SYNE2: variants seen among roughly 807,000 people sequenced by gnomAD.
SYNE2 encodes spectrin repeat containing nuclear envelope protein 2, also known as nesprin-2.
A neutral mutation model predicts 856.3 loss-of-function variants in SYNE2; 431 were observed. The ratio of observed to expected loss-of-function variants is 0.50; its 90% CI spans 0.47 to 0.55. SYNE2 has a LOEUF of 0.55. Ranked by LOEUF, SYNE2 falls within the 20% of genes least tolerant of loss-of-function variation. The pLI, the probability that SYNE2 is intolerant of heterozygous loss-of-function variation, is 0.00. For missense variants in SYNE2, 8,129 were observed against 8,023.2 expected (o/e 1.01, Z -0.50); for synonymous variants, 2,923 against 2,872.3 (o/e 1.02, Z -0.56).
rs531575036 is a variant in SYNE2, at chr14:64,142,066, A to T, written c.15284A>T (p.Lys5095Ile). Residue 5095 changes from lysine to isoleucine, a missense_variant, in exon 82 of 116, where the codon AAA becomes ATA. Transcript: ENST00000555002. Reference protein sequence around the residue: ...VHSPSSASQVKHLLQKHKEFR... With the variant: ...VHSPSSASQVIHLLQKHKEFR... ...TCACCAAGTTCTGCATCTCAAGTTA[A>T]ACATCTTCTTCAGAAGCACAAGGTA... 1 of 1,614,156 alleles carries T rather than the reference A, an allele frequency of 6.2e-7. No individual in the cohort carries two copies. The highest frequency in any genetic ancestry group is 1.1e-5 in the South Asian group (1 of 91,076).
intron 1 of SYNE2, among the ~76,000 whole-genome samples, chr14:63,858,262 CTTTTTTTTTTTTTTTTTTTTT>C (rs61091259): frequency 3.8e-5 from 2 of 52,896 alleles, no homozygotes; most frequent in South Asian, 2.3e-3. Flanking sequence ...CCACACCGGC[CTTTTTTTTTTTTTTTTTTTTT>C]TTTTTTTTTT....
At chr14:64,173,431 G>A (rs1881660980) in intron 94 of SYNE2, among the ~76,000 whole-genome samples, 2 of 152,162 alleles carry the variant, frequency 1.3e-5, no homozygotes, top group South Asian at 4.1e-4. Context: ...CTGCTCCTGA[G>A]GGTGCATTTG....
chr14:63,968,480 G>A (rs1041675709), intron 11 of SYNE2, among the ~76,000 whole-genome samples: 1 of 152,116 alleles, frequency 6.6e-6, no homozygotes. Context: ...AATATCAGTA[G>A]ATGCTTGAAA....
At position 63,917,885 on chromosome 14, in the gene SYNE2, C is replaced by G. The variant is rs539338377; in HGVS notation, c.79+8658C>G. Reference sequence around the variant, plus strand: ...TTTTTTTTTTTTTAGCTTTTATATACAGTTTTGGCTTCTGGGAACTTTGGT... The same window carrying G: ...TTTTTTTTTTTTTAGCTTTTATATAGAGTTTTGGCTTCTGGGAACTTTGGT... On this transcript the variant is annotated intron_variant, in intron 2 of 115. Coordinates refer to ENST00000555002, the MANE Select transcript of SYNE2 (RefSeq NM_182914.3). 6.6e-5 allele frequency among the ~76,000 whole-genome samples: 10 copies of G among 150,656 alleles called. No homozygotes were observed. In the East Asian group the frequency reaches 1.9e-3, roughly 29 times the overall value.
chr14:64,207,049 A>G (rs953806317), intron 100 of SYNE2, among the ~76,000 whole-genome samples: 1 of 152,144 alleles, frequency 6.6e-6, no homozygotes, highest in African/African-American at 2.4e-5. Context: ...CAGGCATTCT[A>G]CCCACACTGC....
chr14:63,915,581 C>T (rs1476338153), intron 2 of SYNE2, among the ~76,000 whole-genome samples: 1 of 152,188 alleles, frequency 6.6e-6, no homozygotes, highest in African/African-American at 2.4e-5. Flanking sequence ...AACTTGCAAG[C>T]AGTCCTACCA....
At chr14:64,009,796 A>G (rs1360266481) in intron 31 of SYNE2, among the ~76,000 whole-genome samples, 170 bp from the exon 32 acceptor site, 1 of 152,180 alleles carries the variant, frequency 6.6e-6, no homozygotes, top group Non-Finnish European at 1.5e-5. Context: ...TTTGCCAGAT[A>G]TATTGATGTG....
At position 63,917,821 on chromosome 14, in the gene SYNE2, A is replaced by G. The variant is rs74754442; in HGVS notation, c.79+8594A>G. 1.0e-3 allele frequency among the ~76,000 whole-genome samples: 157 copies of G among 151,684 alleles called. 2 individuals are homozygous for G. In the East Asian group the frequency reaches 0.015, roughly 14 times the overall value. On this transcript the variant is annotated intron_variant, in intron 2 of 115. Transcript: ENST00000555002. ...CTAATTAAATGAAAAATAAAATAAG[A>G]GCTTTTGTGGTATTTGCACTGCAAA...
At chr14:63,867,086 CAGAG>C (rs1329307878) in intron 1 of SYNE2, among the ~76,000 whole-genome samples, 1 of 152,146 alleles carries the variant, frequency 6.6e-6, no homozygotes, top group African/African-American at 2.4e-5. Flanking sequence ...TTTAAGGAAA[CAGAG>C]AGGTTAAATA....
chr14:64,182,448 G>T (rs950381618), intron 96 of SYNE2, among the ~76,000 whole-genome samples: 8 of 151,590 alleles, frequency 5.3e-5, no homozygotes, highest in Non-Finnish European at 1.2e-4. Context: ...GGGGGATTTG[G>T]CACGGTCATA....
chr14:63,838,720 G>C (rs1889945573), intron 1 of SYNE2, among the ~76,000 whole-genome samples: 1 of 152,002 alleles, frequency 6.6e-6, no homozygotes, highest in Admixed American at 6.6e-5. Flanking sequence ...TGTTTCCCCA[G>C]CTTGCCTTGA....
chr14:64,139,222 A>G (rs973950241), intron 79 of SYNE2, among the ~76,000 whole-genome samples: 5 of 149,606 alleles, frequency 3.3e-5, no homozygotes, highest in African/African-American at 1.3e-4. Context: ...GGCTCAAGCC[A>G]TCCTCCCACC....
intron 21 of SYNE2, among the ~76,000 whole-genome samples, chr14:63,991,711 G>A (rs375108944): frequency 2.0e-4 from 30 of 152,240 alleles, no homozygotes; most frequent in African/African-American, 6.7e-4. Flanking sequence ...GGAGGTGCTT[G>A]GGGGATTAGA....
intron 1 of SYNE2, among the ~76,000 whole-genome samples, chr14:63,774,130 C>T (rs1355091979): frequency 4.6e-5 from 7 of 151,398 alleles, no homozygotes; most frequent in Admixed American, 2.0e-4. Flanking sequence ...GTCAGGAGAT[C>T]GAGACCAGCC....
At chr14:64,022,635 C>T in intron 37 of SYNE2, 116 bp from the exon 38 acceptor site, 1 of 717,942 alleles carries the variant, frequency 1.4e-6, no homozygotes, top group Non-Finnish European at 2.6e-6. Flanking sequence ...GAGGTTATTA[C>T]CACTTTCACA....
At chr14:64,152,518 T>C (rs1420948635) in intron 84 of SYNE2, 46 bp from the exon 85 acceptor site, 2 of 1,603,056 alleles carry the variant, frequency 1.2e-6, no homozygotes, top group Admixed American at 3.3e-5. Flanking sequence ...TTATTAATTG[T>C]TTTGTAATAT....
At chr14:63,873,186 G>T (rs2094628137) in intron 1 of SYNE2, among the ~76,000 whole-genome samples, 1 of 152,136 alleles carries the variant, frequency 6.6e-6, no homozygotes, top group Non-Finnish European at 1.5e-5. Flanking sequence ...TTGAAAATGG[G>T]TATACTCTAA....
rs76405806 is a variant in SYNE2 at position 64,171,606 on chromosome 14, G to T, written c.17235+1144G>T. On this transcript the variant is annotated intron_variant, in intron 94 of 115. Coordinates refer to ENST00000555002, the MANE Select transcript of SYNE2 (RefSeq NM_182914.3). ...CAAGATCTAAGGAAAGAGCCTTTCAGACTGAAGGAGAGGCTTACTCCAAGT... is the reference window on the plus strand; with the variant it reads ...CAAGATCTAAGGAAAGAGCCTTTCATACTGAAGGAGAGGCTTACTCCAAGT... 7.2e-3 allele frequency among the ~76,000 whole-genome samples: 1,095 copies of T among 152,298 alleles called. 12 individuals are homozygous for T. The highest frequency in any genetic ancestry group is 0.012 in the Non-Finnish European group (801 of 68,032).
intron 1 of SYNE2, among the ~76,000 whole-genome samples, chr14:63,800,522 TC>T (rs2139794147): frequency 6.6e-6 from 1 of 152,318 alleles, no homozygotes; most frequent in Non-Finnish European, 1.5e-5. Flanking sequence ...ACTCCTGACC[TC>T]AACTGATCCG....
Sources: gnomAD v4.1 joint callset for allele counts (sites outside exome capture counted in the v4.1 genomes callset) on GRCh38, gnomAD v4.1.1 for gene constraint, MANE v1.5 for transcripts, NCBI Gene and HGNC (gene_info 2026-07-23, HGNC 2026-07-21) for gene names.